Variants in RERE observed in about 807,000 individuals in gnomAD.
RERE encodes the protein arginine-glutamic acid dipeptide repeats.
A neutral mutation model predicts 146.1 loss-of-function variants in RERE; 40 were observed. The observed-to-expected ratio is 0.27, with a 90% CI of 0.21 to 0.36. RERE has a LOEUF of 0.36. Ranked by LOEUF, RERE falls within the 10% of genes least tolerant of loss-of-function variation. The probability of loss-of-function intolerance (pLI) is 1.00; values close to 1 mark genes in which losing one functional copy is unlikely to be tolerated. For missense variants in RERE, 1,933 were observed against 2,138.7 expected (o/e 0.90, Z 1.90); for synonymous variants, 1,003 against 866.0 (o/e 1.16, Z -2.78).
At chr1:8,489,790 C>G (rs1644952023) in intron 10 of RERE, among the ~76,000 whole-genome samples, 1 of 152,186 alleles carries the variant, frequency 6.6e-6, no homozygotes, top group Admixed American at 6.5e-5. Context: ...GTGGCTCACG[C>G]CTGTAATCTC....
chr1:8,570,231 G>A (rs1646203367), intron 4 of RERE, among the ~76,000 whole-genome samples: 1 of 152,002 alleles, frequency 6.6e-6, no homozygotes, highest in Non-Finnish European at 1.5e-5. Context: ...CAGCTACTCA[G>A]GAGGCTGAGG....
chr1:8,417,728 T>C (rs550941600), intron 12 of RERE, among the ~76,000 whole-genome samples: 1 of 152,240 alleles, frequency 6.6e-6, no homozygotes, highest in Admixed American at 6.5e-5. Flanking sequence ...CACTCACCCA[T>C]ACACATTCTT....
intron 2 of RERE, 131 bp downstream of exon 2, chr1:8,655,842 C>T (rs1458445169): frequency 9.4e-6 from 14 of 1,483,568 alleles, no homozygotes; most frequent in African/African-American, 1.4e-5. Flanking sequence ...ACATGTTTAC[C>T]AAATTAAGTT....
At chr1:8,538,898 G>A (rs375656780) in intron 7 of RERE, among the ~76,000 whole-genome samples, 2 of 152,196 alleles carry the variant, frequency 1.3e-5, no homozygotes, top group African/African-American at 2.4e-5. Context: ...CCGATGGGAT[G>A]TATTGCCCTG....
At chr1:8,752,576 A>G (rs922064851) in intron 1 of RERE, among the ~76,000 whole-genome samples, 2 of 152,206 alleles carry the variant, frequency 1.3e-5, no homozygotes, top group Admixed American at 1.3e-4. Context: ...AAGTAAGAAC[A>G]CTGACAAACT....
At chr1:8,450,799 A>C (rs1336788898) in intron 11 of RERE, among the ~76,000 whole-genome samples, 2 of 152,158 alleles carry the variant, frequency 1.3e-5, no homozygotes, top group Non-Finnish European at 2.9e-5. Context: ...TTATCCTGTG[A>C]CCAGCACCAA....
chr1:8,617,693 C>T (rs182864780), intron 3 of RERE, among the ~76,000 whole-genome samples: 93 of 152,160 alleles, frequency 6.1e-4, no homozygotes, highest in Admixed American at 1.2e-3. Context: ...ATCATCATAG[C>T]GTAAGGCATT....
intron 4 of RERE, among the ~76,000 whole-genome samples, chr1:8,558,005 C>A (rs1400978263): frequency 6.6e-6 from 1 of 152,166 alleles, no homozygotes; most frequent in Non-Finnish European, 1.5e-5. Context: ...CAAGGTTTGC[C>A]TATTACCCAG....
At chr1:8,666,513 G>A (rs189485457) in intron 1 of RERE, among the ~76,000 whole-genome samples, 196 of 152,326 alleles carry the variant, frequency 1.3e-3, no homozygotes, top group Middle Eastern at 3.4e-3. Context: ...CTTCCAAAGG[G>A]AAATCAATTT....
intron 22 of RERE, 103 bp downstream of exon 22, chr1:8,355,316 G>T: frequency 7.5e-7 from 1 of 1,328,108 alleles, no homozygotes; most frequent in Non-Finnish European, 1.1e-6. Context: ...TCCCCTCCAG[G>T]GCCCAGCAGG....
intron 1 of RERE, among the ~76,000 whole-genome samples, chr1:8,706,663 A>G (rs564125256): frequency 6.6e-6 from 1 of 152,292 alleles, no homozygotes; most frequent in East Asian, 1.9e-4. Context: ...GAATGAGGGG[A>G]GTTCATTCTT....
chr1:8,698,694 T>G (rs879534935), intron 1 of RERE, among the ~76,000 whole-genome samples: 1 of 152,148 alleles, frequency 6.6e-6, no homozygotes, highest in African/African-American at 2.4e-5. Flanking sequence ...TTTTAATAGA[T>G]AGAGACAGGG....
intron 2 of RERE, among the ~76,000 whole-genome samples, chr1:8,630,058 A>G (rs1410233406): frequency 6.6e-6 from 1 of 152,320 alleles, no homozygotes; most frequent in African/African-American, 2.4e-5. Context: ...TGGAGGTAAC[A>G]GTCAATGAGG....
At chr1:8,533,571 T>G (rs986286609) in intron 7 of RERE, among the ~76,000 whole-genome samples, 1 of 152,196 alleles carries the variant, frequency 6.6e-6, no homozygotes, top group Non-Finnish European at 1.5e-5. Context: ...TGAGACCACT[T>G]TTTATATTGC....
intron 8 of RERE, among the ~76,000 whole-genome samples, chr1:8,498,726 A>AT (rs1645082263): frequency 2.6e-4 from 4 of 15,336 alleles, no homozygotes; most frequent in African/African-American, 9.9e-4. Context: ...AAAAAAAATA[A>AT]ATATATACAC....
chr1:8,604,395 T>C (rs1273943820), intron 4 of RERE, among the ~76,000 whole-genome samples: 1 of 152,024 alleles, frequency 6.6e-6, no homozygotes. Flanking sequence ...GACAGCAGGC[T>C]GAGACGTGTT....
intron 1 of RERE, among the ~76,000 whole-genome samples, chr1:8,726,224 G>GGCTCACT (rs1228061702): frequency 1.4e-5 from 2 of 141,278 alleles, no homozygotes; most frequent in Admixed American, 1.5e-4. Context: ...GCGTAATTTC[G>GGCTCACT]GCTCACTGCA....
At chr1:8,526,026 C>G (rs1275164651) in intron 7 of RERE, 2 of 1,257,986 alleles carry the variant, frequency 1.6e-6, no homozygotes, top group Non-Finnish European at 2.0e-6. Flanking sequence ...TGTCTCTCCA[C>G]GACGCAATCA....
chr1:8,606,434 TA>T (rs932679177), intron 4 of RERE, among the ~76,000 whole-genome samples: 17 of 151,718 alleles, frequency 1.1e-4, no homozygotes, highest in East Asian at 3.9e-4. Context: ...ATACATACTT[TA>T]AAAAAAAATT....
Sources: allele counts gnomAD v4.1 joint callset (sites outside exome capture counted in the v4.1 genomes callset), GRCh38; gene constraint gnomAD v4.1.1; transcripts MANE v1.5; gene names NCBI Gene and HGNC (gene_info 2026-07-23, HGNC 2026-07-21).